Variants in TACC2 observed in about 807,000 individuals in gnomAD.
TACC2 encodes the protein transforming acidic coiled-coil-containing protein 2.
Under a neutral mutation model 227.3 loss-of-function variants are expected in TACC2, and 137 were observed. The observed-to-expected ratio is 0.60, with a 90% CI of 0.52 to 0.69. The LOEUF is 0.69. TACC2 is among the 30% of genes least tolerant of loss of function. The probability of loss-of-function intolerance (pLI) is 0.00; values close to 1 mark genes in which losing one functional copy is unlikely to be tolerated. For synonymous variants in TACC2, 1,523 were observed against 1,487.5 expected (o/e 1.02, Z -0.55); for missense variants, 3,470 against 3,694.4 (o/e 0.94, Z 1.57).
chr10:122,245,244 G>T (rs1374734006), intron 19 of TACC2, among the ~76,000 whole-genome samples: 1 of 152,198 alleles, frequency 6.6e-6, no homozygotes, highest in African/African-American at 2.4e-5. Flanking sequence ...TTGTTTTGTT[G>T]TTGAGTGTAG....
At chr10:122,145,810 T>G (rs1165665117) in intron 7 of TACC2, among the ~76,000 whole-genome samples, 1 of 152,194 alleles carries the variant, frequency 6.6e-6, no homozygotes, top group Non-Finnish European at 1.5e-5. Context: ...CTCTATGTCT[T>G]TCTTTCCTGA....
chr10:122,237,499 G>A lies in TACC2; in HGVS notation c.8232G>A (p.Gln2744=). 1 of 1,614,056 alleles carries A rather than the reference G, an allele frequency of 6.2e-7. No individual in the cohort carries two copies. The highest frequency in any genetic ancestry group is 8.5e-7 in the Non-Finnish European group (1 of 1,179,978). ...AACCTGCAGGCCTTCTGTTCCAGCAGCCCGACCTGGACTCTGCCCTCCAGA... is the reference window on the plus strand; with the variant it reads ...AACCTGCAGGCCTTCTGTTCCAGCAACCCGACCTGGACTCTGCCCTCCAGA... The part of the protein sequence containing the change: ...VEKPAGLLFQ[Q]PDLDSALQIA... The change falls in exon 17 of 23, where the codon CAG becomes CAA. Residue 2744 remains glutamine, a synonymous_variant. Transcript: ENST00000369005.
intron 7 of TACC2, among the ~76,000 whole-genome samples, chr10:122,145,936 C>T (rs190500757): frequency 1.2e-4 from 19 of 152,336 alleles, no homozygotes; most frequent in Admixed American, 4.6e-4. Context: ...ATTTACACAT[C>T]TGAGCCATTC....
intron 2 of TACC2, among the ~76,000 whole-genome samples, chr10:122,047,019 G>C (rs898701542): frequency 6.6e-6 from 1 of 152,074 alleles, no homozygotes; most frequent in African/African-American, 2.4e-5. Context: ...TCTTGGCCGG[G>C]TGTGGTGGCA....
intron 5 of TACC2, among the ~76,000 whole-genome samples, chr10:122,096,621 A>G (rs1275273601): frequency 6.7e-6 from 1 of 149,822 alleles, no homozygotes; most frequent in African/African-American, 2.5e-5. Flanking sequence ...ACCTGAACCC[A>G]GGAGGCAGAG....
intron 11 of TACC2, among the ~76,000 whole-genome samples, chr10:122,217,430 CTTTTTTCT>C (rs1002815423): frequency 3.7e-5 from 5 of 135,468 alleles, no homozygotes; most frequent in Non-Finnish European, 7.8e-5. Context: ...CTTTTTCTTT[CTTTTTTCT>C]TTTTTTTTTT....
At chr10:122,069,031 G>T (rs879811301) in intron 3 of TACC2, among the ~76,000 whole-genome samples, 5 of 151,686 alleles carry the variant, frequency 3.3e-5, no homozygotes, top group Admixed American at 2.6e-4. Context: ...TACCTTAGGG[G>T]GTTTCTACAC....
At chr10:122,236,386 A>G (rs11200494) in intron 16 of TACC2, among the ~76,000 whole-genome samples, 37,504 of 152,122 alleles carry the variant, frequency 0.25, 5,766 homozygotes, top group East Asian at 0.54. Context: ...ATTGATAACT[A>G]GGGTAGAGGT....
chr10:122,210,234 A>G lies in TACC2; in HGVS notation c.5972-163A>G, dbSNP rs2141011415. ...CCTGGGTCTTGAGCTAATTACGGGT[A>G]GGTCAGGTTCTGTACCCAAGTAGTA... On this transcript the variant is annotated intron_variant, in intron 8 of 22. Coordinates refer to ENST00000369005, the MANE Select transcript of TACC2 (RefSeq NM_206862.4). The surrounding 1 kb of genome is among the most constrained non-coding windows in gnomAD (Gnocchi z 4.6). The G allele has an allele frequency of 1.6e-6, 1 of 636,556 alleles. No homozygotes were observed. Among genetic ancestry groups the G allele is most frequent in the East Asian group, 2.7e-5 (1 of 36,416 alleles). The allele number at this position is 636,556 out of a possible 1,614,324, so 39.4% of individuals were successfully genotyped here. A position where few individuals can be genotyped will look rare whatever the true frequency, so the allele number is the denominator to read the frequency against.
intron 3 of TACC2, among the ~76,000 whole-genome samples, chr10:122,078,195 C>CAAAA (rs1175837364): frequency 2.7e-5 from 1 of 37,676 alleles, no homozygotes; most frequent in African/African-American, 1.1e-4. Flanking sequence ...ACTCCATCTC[C>CAAAA]AAAAAAAAAA....
At chr10:122,241,324 C>T (rs1030498542) in intron 18 of TACC2, among the ~76,000 whole-genome samples, 1 of 152,172 alleles carries the variant, frequency 6.6e-6, no homozygotes, top group African/African-American at 2.4e-5. Context: ...TGGAATCTCG[C>T]TCTGTTGCCC....
At chr10:122,230,244 G>A (rs768361118) in intron 15 of TACC2, 107 bp from the exon 16 acceptor site, 3 of 885,712 alleles carry the variant, frequency 3.4e-6, no homozygotes, top group Non-Finnish European at 1.9e-6. Flanking sequence ...TTTCCCGAGT[G>A]CCTGTCATGA....
intron 2 of TACC2, among the ~76,000 whole-genome samples, chr10:122,032,801 A>G (rs1327315940): frequency 6.6e-6 from 1 of 152,106 alleles, no homozygotes; most frequent in Non-Finnish European, 1.5e-5. Flanking sequence ...TCTACTAAAA[A>G]TACAAAAATT....
At position 122,012,418 on chromosome 10, in the gene TACC2, C is replaced by CAAAAAAAA. The variant is rs752342348; in HGVS notation, c.-45-9505_-45-9498dup. ...CTGGTGCCAGAGCAAGACTCCGTCT[C>CAAAAAAAA]AAAAAAAAAAAAAAAAAAAAAGATG... On this transcript the variant is annotated intron_variant, in intron 1 of 22. Transcript: ENST00000369005. Among the ~76,000 whole-genome samples, 279 of 60,682 alleles carry CAAAAAAAA rather than the reference C, an allele frequency of 4.6e-3. 12 individuals are homozygous for CAAAAAAAA. The highest frequency in any genetic ancestry group is 0.013 in the African/African-American group (174 of 13,888). The allele number at this position is 60,682 out of a possible 152,430, so 39.8% of individuals were successfully genotyped here. A position where few individuals can be genotyped will look rare whatever the true frequency, so the allele number is the denominator to read the frequency against.
intron 5 of TACC2, among the ~76,000 whole-genome samples, chr10:122,116,958 A>T (rs1313718403): frequency 1.3e-5 from 2 of 151,264 alleles, no homozygotes; most frequent in African/African-American, 4.9e-5. Flanking sequence ...AGCCCTTCAC[A>T]CAACACCTGG....
At position 122,023,828 on chromosome 10, in the gene TACC2, A is replaced by G. The variant is rs995576465; in HGVS notation, c.33+1814A>G. ...AAAAAAGAAATCCTGAGGGGGGGGAAAAAAAAAGACTGGGTGTGAGACAAC... is the reference window on the plus strand; with the variant it reads ...AAAAAAGAAATCCTGAGGGGGGGGAGAAAAAAAGACTGGGTGTGAGACAAC... On this transcript the variant is annotated intron_variant, in intron 2 of 22. Coordinates refer to ENST00000369005, the MANE Select transcript of TACC2 (RefSeq NM_206862.4). The G allele has an allele frequency of 2.7e-5, 4 of 150,310 alleles. No individual in the cohort carries two copies. In the South Asian group the frequency reaches 6.4e-4, roughly 24 times the overall value. 9.3% of individuals were successfully genotyped at this position (150,310 alleles called of 1,614,324 possible).
At chr10:122,048,009 G>A (rs2075229061) in intron 2 of TACC2, among the ~76,000 whole-genome samples, 1 of 152,200 alleles carries the variant, frequency 6.6e-6, no homozygotes, top group South Asian at 2.1e-4. Flanking sequence ...ACCAGGTAGG[G>A]GAACCTTAGC....
intron 3 of TACC2, among the ~76,000 whole-genome samples, chr10:122,069,178 C>T (rs767998259): frequency 5.9e-5 from 9 of 152,144 alleles, no homozygotes; most frequent in Non-Finnish European, 1.3e-4. Flanking sequence ...TTCTCTGTGC[C>T]GCTTTCTCCA....
At chr10:122,103,310 C>T (rs923844535) in intron 5 of TACC2, among the ~76,000 whole-genome samples, 2 of 152,084 alleles carry the variant, frequency 1.3e-5, no homozygotes, top group African/African-American at 2.4e-5. Context: ...ATGTATGAAC[C>T]GTGGCACTGC....
Sources: gnomAD v4.1 joint callset for allele counts (sites outside exome capture counted in the v4.1 genomes callset) on GRCh38, gnomAD v4.1.1 for gene constraint, Gnocchi (gnomAD v3.1) non-coding constraint, MANE v1.5 for transcripts, NCBI Gene and HGNC (gene_info 2026-07-23, HGNC 2026-07-21) for gene names.